MAL2: variants seen among roughly 807,000 people sequenced by gnomAD.
MAL2 encodes the protein protein MAL2.
Under a neutral mutation model 18.1 loss-of-function variants are expected in MAL2, and 17 were observed. The ratio of observed to expected loss-of-function variants is 0.94; its 90% CI spans 0.64 to 1.41. MAL2 has a LOEUF of 1.41. Ranked by LOEUF, MAL2 falls within the 40% of genes most tolerant of loss-of-function variation. MAL2 has a pLI of 0.00. For synonymous variants in MAL2, 102 were observed against 102.3 expected (o/e 1.00, Z 0.02); for missense variants, 222 against 231.9 (o/e 0.96, Z 0.28).
intron 2 of MAL2, among the ~76,000 whole-genome samples, chr8:119,237,381 C>T (rs867922748): frequency 1.6e-4 from 25 of 151,680 alleles, no homozygotes; most frequent in Non-Finnish European, 2.8e-4. Flanking sequence ...TGGTACCATT[C>T]CTTCTGCAAC....
At chr8:119,220,882 C>T (rs897955162) in intron 1 of MAL2, among the ~76,000 whole-genome samples, 73 of 152,264 alleles carry the variant, frequency 4.8e-4, no homozygotes, top group African/African-American at 1.7e-3. Context: ...TTGTCTCTTT[C>T]CTCTAATAGA....
At chr8:119,224,451 A>C (rs910015915) in intron 2 of MAL2, 2 of 152,216 alleles carry the variant, frequency 1.3e-5, no homozygotes, top group African/African-American at 4.8e-5. Context: ...TATGCAATTA[A>C]ACATGTTTCC....
chr8:119,238,278 GAAAC>G (rs776010987), intron 2 of MAL2, among the ~76,000 whole-genome samples: 2 of 125,418 alleles, frequency 1.6e-5, no homozygotes, highest in African/African-American at 5.3e-5. Context: ...TCACTGAAAT[GAAAC>G]AAAGAAATGG....
intron 2 of MAL2, among the ~76,000 whole-genome samples, chr8:119,239,056 C>G (rs533530229): frequency 0.013 from 1,997 of 151,484 alleles, 39 homozygotes; most frequent in African/African-American, 0.047. Context: ...CCAGAATCTA[C>G]AATGAACTCA....
intron 3 of MAL2, 71 bp downstream of exon 3, chr8:119,240,391 C>T: frequency 1.4e-6 from 2 of 1,478,746 alleles, no homozygotes; most frequent in East Asian, 2.3e-5. Context: ...CCAAGAAACT[C>T]CTCAGGCAAC....
At position 119,208,732 on chromosome 8, in the gene MAL2, G is replaced by A; in HGVS notation, c.132+128G>A. ...TCCCTTCGACGTGGCTTTGTCCTGC[G>A]CTCCCTCCCGGGGTCCTCTCGGTGC... On this transcript the variant is annotated intron_variant, in intron 1 of 3. Coordinates refer to ENST00000614891, the MANE Select transcript of MAL2 (RefSeq NM_052886.3). This position sits in a 1 kb window ranked among gnomAD's most constrained non-coding sequence, Gnocchi z 4.3. The A allele has an allele frequency of 2.5e-6, 3 of 1,207,520 alleles. No homozygotes were observed. Among genetic ancestry groups the A allele is most frequent in the Non-Finnish European group, 3.1e-6 (3 of 970,540 alleles). The allele number at this position is 1,207,520 out of a possible 1,614,324, so 74.8% of individuals were successfully genotyped here. A position where few individuals can be genotyped will look rare whatever the true frequency, so the allele number is the denominator to read the frequency against.
rs376859864 is a variant in MAL2, at chr8:119,230,444, G to C, written c.303+8687G>C. On this transcript the variant is annotated intron_variant, in intron 2 of 3. Transcript: ENST00000614891. ...AGAAGCAAAATTGGCAGGATTGGGG[G>C]GGCGGGAAGGGGCAAGCAGTAATTG... Among the ~76,000 whole-genome samples the C allele has an allele frequency of 2.8e-3, 422 of 152,150 alleles. 1 individual carries two copies. Among genetic ancestry groups the C allele is most frequent in the African/African-American group, 9.6e-3 (397 of 41,500 alleles).
chr8:119,236,780 C>T (rs1266223033), intron 2 of MAL2, among the ~76,000 whole-genome samples: 1 of 150,868 alleles, frequency 6.6e-6, no homozygotes, highest in African/African-American at 2.5e-5. Flanking sequence ...ATCTCTGGGA[C>T]CCATTCAAAG....
intron 2 of MAL2, among the ~76,000 whole-genome samples, chr8:119,234,725 C>A (rs1817836825): frequency 1.3e-5 from 2 of 151,700 alleles, no homozygotes; most frequent in African/African-American, 4.9e-5. Context: ...GCAGGGTATT[C>A]CAACAGACCT....
At position 119,208,735 on chromosome 8, in the gene MAL2, C is replaced by T. The variant is rs1043405288; in HGVS notation, c.132+131C>T. The T allele has an allele frequency of 2.5e-6, 3 of 1,207,492 alleles. No homozygotes were observed. In the African/African-American group the frequency reaches 4.7e-5, roughly 19 times the overall value. The allele number at this position is 1,207,492 out of a possible 1,614,324, so 74.8% of individuals were successfully genotyped here. ...CTTCGACGTGGCTTTGTCCTGCGCT[C>T]CCTCCCGGGGTCCTCTCGGTGCCCC... On this transcript the variant is annotated intron_variant, in intron 1 of 3. Coordinates refer to ENST00000614891, the MANE Select transcript of MAL2 (RefSeq NM_052886.3). This position sits in a 1 kb window ranked among gnomAD's most constrained non-coding sequence, Gnocchi z 4.3.
intron 1 of MAL2, among the ~76,000 whole-genome samples, chr8:119,218,404 G>T (rs1444726316): frequency 6.6e-6 from 1 of 152,068 alleles, no homozygotes; most frequent in Non-Finnish European, 1.5e-5. Flanking sequence ...TATAGCCTCT[G>T]CTGTCAAAGC....
Position 119,208,570 on chromosome 8 carries a change from G to T in MAL2, c.98G>T (p.Arg33Leu). Residue 33 changes from arginine to leucine, a missense_variant, in exon 1 of 4, where the codon CGG (arginine) becomes CTG (leucine). Transcript: ENST00000614891. The surrounding 1 kb of genome is among the most constrained non-coding windows in gnomAD (Gnocchi z 4.3). ...VTLPAGPDILRTYSGAFVCLE... is the reference protein window; with the variant it reads ...VTLPAGPDILLTYSGAFVCLE... ...CTGCCCGCCGGCCCCGACATCCTGC[G>T]GACCTACTCGGGCGCCTTCGTCTGC... is the stretch of plus-strand genomic sequence containing the variant. The T allele has an allele frequency of 7.2e-7, 1 of 1,394,640 alleles. No homozygotes were observed. 86.4% of individuals were successfully genotyped at this position (1,394,640 alleles called of 1,614,324 possible). A position where few individuals can be genotyped will look rare whatever the true frequency, so the allele number is the denominator to read the frequency against.
chr8:119,209,667 T>C (rs1563767212), intron 1 of MAL2, among the ~76,000 whole-genome samples: 1 of 152,206 alleles, frequency 6.6e-6, no homozygotes. Context: ...GTCGCTTTGG[T>C]TTCACTTTTG....
rs34920533 is a variant in MAL2 at position 119,221,670 on chromosome 8, C to T, written c.216C>T (p.Ser72=). 0.079 allele frequency: 127,272 copies of T among 1,613,744 alleles called. 5,611 individuals are homozygous for T. The highest frequency in any genetic ancestry group is 0.088 in the Non-Finnish European group (104,296 of 1,179,778). ...TACAAGGATGGGTCATGTTTGTGTCCGTGACAGCGTTTTTCTTTTCGCTCC... is the reference window on the plus strand; with the variant it reads ...TACAAGGATGGGTCATGTTTGTGTCTGTGACAGCGTTTTTCTTTTCGCTCC... ...PLLQGWVMFV[S]VTAFFFSLLF... is the part of the protein sequence containing the mutation. The change falls in exon 2 of 4, where the codon TCC becomes TCT. Residue 72 remains serine, a synonymous_variant. Coordinates refer to ENST00000614891, the MANE Select transcript of MAL2 (RefSeq NM_052886.3).
intron 2 of MAL2, among the ~76,000 whole-genome samples, chr8:119,234,955 T>C (rs1398164360): frequency 5.9e-5 from 9 of 152,082 alleles, no homozygotes; most frequent in African/African-American, 2.2e-4. Context: ...CAAAGCTGGA[T>C]GGAGAATGAC....
chr8:119,240,747 G>T (rs1212704527), intron 3 of MAL2, among the ~76,000 whole-genome samples: 1 of 152,134 alleles, frequency 6.6e-6, no homozygotes, highest in Non-Finnish European at 1.5e-5. Flanking sequence ...AAGTAATTTT[G>T]CTGGGTGTTG....
chr8:119,235,230 C>T lies in MAL2; in HGVS notation c.304-4935C>T, dbSNP rs571895046. Among the ~76,000 whole-genome samples, 728 of 151,690 alleles carry T rather than the reference C, an allele frequency of 4.8e-3. 2 individuals carry two copies. Among genetic ancestry groups the T allele is most frequent in the Non-Finnish European group, 4.7e-3 (317 of 67,882 alleles). On this transcript the variant is annotated intron_variant, in intron 2 of 3. Coordinates refer to ENST00000614891, the MANE Select transcript of MAL2 (RefSeq NM_052886.3). Reference sequence around the variant, plus strand: ...ATCAGCAATAGAAGATGAAATGAAGCGAGAAGGGAAGTTTAGAGAAAAAAG... The same window carrying T: ...ATCAGCAATAGAAGATGAAATGAAGTGAGAAGGGAAGTTTAGAGAAAAAAG...
At chr8:119,228,908 T>C (rs1817650724) in intron 2 of MAL2, among the ~76,000 whole-genome samples, 1 of 152,150 alleles carries the variant, frequency 6.6e-6, no homozygotes, top group Non-Finnish European at 1.5e-5. Context: ...GATAATCCCT[T>C]ATCAGGAGCT....
chr8:119,234,759 G>A (rs1449008033), intron 2 of MAL2, among the ~76,000 whole-genome samples: 4 of 151,760 alleles, frequency 2.6e-5, no homozygotes, highest in Non-Finnish European at 5.9e-5. Flanking sequence ...CTGTCTGTTA[G>A]AAGGAAAACT....
Sources: gnomAD v4.1 joint callset for allele counts (sites outside exome capture counted in the v4.1 genomes callset) on GRCh38, gnomAD v4.1.1 for gene constraint, Gnocchi (gnomAD v3.1) non-coding constraint, MANE v1.5 for transcripts, NCBI Gene and HGNC (gene_info 2026-07-23, HGNC 2026-07-21) for gene names.